MYO5B: variants seen among roughly 807,000 people sequenced by gnomAD.
MYO5B encodes the protein unconventional myosin-Vb.
In MYO5B, 143 loss-of-function variants were observed where a neutral mutation model predicts 229.3. The ratio of observed to expected loss-of-function variants is 0.62; its 90% CI spans 0.54 to 0.72. The LOEUF (loss-of-function observed/expected upper bound fraction) is 0.72, where lower values mean the gene tolerates loss of function less well. MYO5B is among the 30% of genes least tolerant of loss of function. The pLI is 0.00. For synonymous variants in MYO5B, 918 were observed against 885.2 expected, an observed-to-expected ratio of 1.04 and a Z score of -0.66; for missense variants, 2,321 against 2,331.0, an observed-to-expected ratio of 1.00 and a Z score of 0.09.
intron 17 of MYO5B, among the ~76,000 whole-genome samples, chr18:49,917,069 C>T (rs182719664): frequency 6.6e-5 from 10 of 152,304 alleles, no homozygotes; most frequent in Non-Finnish European, 8.8e-5. Flanking sequence ...GCTGCCATGA[C>T]GGAATCTCCC....
Position 50,165,345 on chromosome 18 carries a change from C to T in MYO5B, c.27+29422G>A, listed in dbSNP as rs371122928. On this transcript the variant is annotated intron_variant, in intron 1 of 39. Transcript: ENST00000285039. The stretch of plus-strand genomic sequence containing the variant: ...CAAAAATAGGAAAACTAGCCAGGCA[C>T]GGTGGCAGATGCCTATGGTCCCAGC... Among the ~76,000 whole-genome samples, 5 of 152,174 alleles carry T rather than the reference C, an allele frequency of 3.3e-5. No homozygotes were observed. The East Asian group carries it at 5.8e-4, about 18-fold the overall frequency.
At chr18:50,125,548 T>G in intron 1 of MYO5B, among the ~76,000 whole-genome samples, 1 of 151,984 alleles carries the variant, frequency 6.6e-6, no homozygotes, top group South Asian at 2.1e-4. Flanking sequence ...GAAAGAAAAG[T>G]CTTATTTAGC....
At chr18:50,074,471 A>G (rs1312771988) in intron 1 of MYO5B, among the ~76,000 whole-genome samples, 2 of 152,140 alleles carry the variant, frequency 1.3e-5, no homozygotes, top group African/African-American at 4.8e-5. Context: ...TGAACTCCTC[A>G]ATGAGGCTCT....
chr18:50,012,055 A>G (rs577437146), intron 4 of MYO5B, among the ~76,000 whole-genome samples: 3 of 152,320 alleles, frequency 2.0e-5, no homozygotes, highest in African/African-American at 7.2e-5. Flanking sequence ...CTGGCTGTAC[A>G]TTAAGAAGTG....
rs1231001143 is a variant in MYO5B at position 49,841,430 on chromosome 18, T to C, written c.4636A>G (p.Thr1546Ala). 6.2e-7 allele frequency: 1 copy of C among 1,614,160 alleles called. No homozygotes were observed. The highest frequency in any genetic ancestry group is 1.7e-5 in the Admixed American group (1 of 60,024). Reference protein sequence around the residue: ...LKKHNDDFEMTSFWLSNTCRL... With the variant: ...LKKHNDDFEMASFWLSNTCRL... ...CAGGTGTTGGATAACCAGAATGACG[T>C]CATCTCAAAGTCATCATTGTGCTTC... is the stretch of plus-strand genomic sequence containing the variant. The change falls in exon 35 of 40, where the codon ACG (threonine) becomes GCG (alanine). Residue 1546 changes from threonine to alanine, a missense_variant. Physicochemically the swap from Thr to Ala is moderately conservative, Grantham distance 58. Transcript: ENST00000285039.
chr18:50,066,642 G>C (rs989111623), intron 1 of MYO5B, among the ~76,000 whole-genome samples: 1 of 152,116 alleles, frequency 6.6e-6, no homozygotes, highest in Non-Finnish European at 1.5e-5. Context: ...AAATGTTCCC[G>C]AATCAACACA....
At chr18:50,034,422 C>G (rs2026425529) in intron 4 of MYO5B, among the ~76,000 whole-genome samples, 2 of 152,232 alleles carry the variant, frequency 1.3e-5, no homozygotes, top group Non-Finnish European at 2.9e-5. Flanking sequence ...AACAGAAACC[C>G]TGAGCTGCTG....
intron 11 of MYO5B, among the ~76,000 whole-genome samples, 169 bp from the exon 12 acceptor site, chr18:49,962,575 G>A (rs1007911381): frequency 1.2e-4 from 19 of 152,152 alleles, no homozygotes; most frequent in Non-Finnish European, 2.6e-4. Flanking sequence ...ACAGTTAGGC[G>A]ATTCCTCATG....
chr18:49,983,028 C>T (rs1429170411), intron 8 of MYO5B, among the ~76,000 whole-genome samples: 17 of 152,144 alleles, frequency 1.1e-4, no homozygotes, highest in Non-Finnish European at 5.9e-5. Flanking sequence ...AGAATGTATC[C>T]TGCACACTGT....
intron 1 of MYO5B, among the ~76,000 whole-genome samples, chr18:50,144,068 T>A (rs2032461588): frequency 6.6e-6 from 1 of 152,208 alleles, no homozygotes; most frequent in African/African-American, 2.4e-5. Context: ...CTTCTGGGCA[T>A]GTAACATCAC....
chr18:50,186,663 G>A (rs2033153588), intron 1 of MYO5B, among the ~76,000 whole-genome samples: 1 of 152,200 alleles, frequency 6.6e-6, no homozygotes, highest in African/African-American at 2.4e-5. Context: ...ATGGTGACTG[G>A]AGGGAGAAGC....
chr18:50,116,455 T>G (rs1030161872), intron 1 of MYO5B, among the ~76,000 whole-genome samples: 4 of 152,096 alleles, frequency 2.6e-5, no homozygotes, highest in African/African-American at 9.7e-5. Context: ...ATAAAGAAGA[T>G]AGGCTTAACT....
intron 8 of MYO5B, among the ~76,000 whole-genome samples, chr18:49,981,282 C>G (rs976452256): frequency 6.6e-6 from 1 of 152,202 alleles, no homozygotes; most frequent in African/African-American, 2.4e-5. Flanking sequence ...GACTACAGAA[C>G]AATAGAATGA....
At chr18:50,125,817 T>G (rs1469067831) in intron 1 of MYO5B, among the ~76,000 whole-genome samples, 1 of 152,212 alleles carries the variant, frequency 6.6e-6, no homozygotes, top group African/African-American at 2.4e-5. Flanking sequence ...TTCATTATTA[T>G]TAGCCTTAAA....
rs570278875 is a variant in MYO5B, at chr18:49,981,342, T to G, written c.947-789A>C. Among the ~76,000 whole-genome samples the G allele has an allele frequency of 2.6e-5, 4 of 152,286 alleles. No homozygotes were observed. The East Asian group carries it at 7.7e-4, about 29-fold the overall frequency. On this transcript the variant is annotated intron_variant, in intron 8 of 39. Transcript: ENST00000285039. ...TTAAGAAATACAGCTGCTCTCCCCA[T>G]TCCTCCCAGCTGCAGTTAATTTTTA...
chr18:49,930,962 G>A (rs760372634), intron 16 of MYO5B, among the ~76,000 whole-genome samples: 1 of 151,966 alleles, frequency 6.6e-6, no homozygotes, highest in Non-Finnish European at 1.5e-5. Flanking sequence ...AGAGTAAGCA[G>A]GGAGTCTTCA....
At chr18:49,906,779 T>A in intron 18 of MYO5B, 149 bp from the exon 19 acceptor site, 1 of 733,738 alleles carries the variant, frequency 1.4e-6, no homozygotes, top group Non-Finnish European at 2.3e-6. Context: ...CAGCATTTGC[T>A]TAACAGACCC....
chr18:49,832,948 T>C (rs1050291355), intron 39 of MYO5B, among the ~76,000 whole-genome samples: 1 of 152,114 alleles, frequency 6.6e-6, no homozygotes, highest in Admixed American at 6.5e-5. Context: ...GCGTTTATTA[T>C]CATGAACCTA....
chr18:50,162,233 T>TCCAA (rs1487556039), intron 1 of MYO5B, among the ~76,000 whole-genome samples: 2 of 152,200 alleles, frequency 1.3e-5, no homozygotes, highest in Non-Finnish European at 2.9e-5. Context: ...ATCAACATTC[T>TCCAA]CCAACAGCAA....
Sources: allele counts gnomAD v4.1 joint callset (sites outside exome capture counted in the v4.1 genomes callset), GRCh38; gene constraint gnomAD v4.1.1; transcripts MANE v1.5; gene names NCBI Gene and HGNC (gene_info 2026-07-23, HGNC 2026-07-21).